Variants in GRIK4 observed in about 807,000 individuals in gnomAD.
GRIK4 encodes the protein glutamate receptor ionotropic, kainate 4.
A neutral mutation model predicts 104.9 loss-of-function variants in GRIK4; 40 were observed. The observed-to-expected ratio is 0.38, with a 90% CI of 0.30 to 0.50. The LOEUF (loss-of-function observed/expected upper bound fraction) is 0.50, where lower values mean the gene tolerates loss of function less well. Ranked by LOEUF, GRIK4 falls within the 20% of genes least tolerant of loss-of-function variation. The pLI is 0.93. For missense variants in GRIK4, 1,047 were observed against 1,308.1 expected, an observed-to-expected ratio of 0.80 and a Z score of 3.08; for synonymous variants, 485 against 524.9, an observed-to-expected ratio of 0.92 and a Z score of 1.04.
intron 1 of GRIK4, among the ~76,000 whole-genome samples, chr11:120,584,179 A>G (rs1221135287): frequency 6.6e-6 from 1 of 152,216 alleles, no homozygotes; most frequent in African/African-American, 2.4e-5. Context: ...CTATGTTAAT[A>G]GGAGTGGTGA....
intron 3 of GRIK4, among the ~76,000 whole-genome samples, chr11:120,695,063 A>G (rs1284631824): frequency 6.6e-6 from 1 of 152,092 alleles, no homozygotes; most frequent in African/African-American, 2.4e-5. Context: ...CACTCCTTTC[A>G]AAGCCCTGTG....
chr11:120,754,555 A>G (rs977326375), intron 3 of GRIK4, among the ~76,000 whole-genome samples: 3 of 152,022 alleles, frequency 2.0e-5, no homozygotes, highest in African/African-American at 7.3e-5. Context: ...GTGAACATTC[A>G]TGTATATGTT....
chr11:120,931,777 C>A (rs1262726693), intron 13 of GRIK4, among the ~76,000 whole-genome samples: 1 of 152,146 alleles, frequency 6.6e-6, no homozygotes, highest in Non-Finnish European at 1.5e-5. Flanking sequence ...ATTACAAGTC[C>A]AATACTGTAG....
chr11:120,777,735 G>A (rs1033734614), intron 3 of GRIK4, among the ~76,000 whole-genome samples: 12 of 152,156 alleles, frequency 7.9e-5, no homozygotes, highest in African/African-American at 1.4e-4. Flanking sequence ...TCAGAAGTTC[G>A]AGACCAGCCT....
At chr11:120,667,508 G>A (rs11217953) in intron 3 of GRIK4, among the ~76,000 whole-genome samples, 20,444 of 152,278 alleles carry the variant, frequency 0.13, 1,494 homozygotes, top group South Asian at 0.24. Context: ...ACAGCCTCGC[G>A]GCTCGTCAGC....
intron 1 of GRIK4, among the ~76,000 whole-genome samples, chr11:120,589,685 C>T (rs1948711992): frequency 1.3e-5 from 2 of 152,150 alleles, no homozygotes; most frequent in Admixed American, 6.5e-5. Context: ...CGTAACCCTC[C>T]CCGAACCCTC....
At position 120,555,793 on chromosome 11, in the gene GRIK4, TC is replaced by T. The variant is rs1198184986; in HGVS notation, c.-159+43909del. On this transcript the variant is annotated intron_variant, in intron 1 of 20. Coordinates refer to ENST00000527524, the MANE Select transcript of GRIK4 (RefSeq NM_014619.5). The surrounding 1 kb of genome is among the most constrained non-coding windows in gnomAD (Gnocchi z 5.3). Reference sequence around the variant, plus strand: ...TGTCCTCAGAGGCCTTGGGGCTTCTTCCCACCGTCATTATTGATGTCCCTGC... The same window carrying T: ...TGTCCTCAGAGGCCTTGGGGCTTCTTCCACCGTCATTATTGATGTCCCTGC... 6.6e-6 allele frequency among the ~76,000 whole-genome samples: 1 copy of T among 152,090 alleles called. No homozygotes were observed. Among genetic ancestry groups the T allele is most frequent in the East Asian group, 1.9e-4 (1 of 5,188 alleles).
chr11:120,851,661 A>G (rs991423829), intron 8 of GRIK4, among the ~76,000 whole-genome samples: 1 of 152,178 alleles, frequency 6.6e-6, no homozygotes, highest in Non-Finnish European at 1.5e-5. Context: ...AGATCTAAAA[A>G]GTGTCCAAGA....
chr11:120,764,558 G>A (rs1041156528), intron 3 of GRIK4, among the ~76,000 whole-genome samples: 8 of 151,356 alleles, frequency 5.3e-5, no homozygotes, highest in Non-Finnish European at 8.8e-5. Flanking sequence ...TTACATTTTG[G>A]TTTGTTTTTG....
chr11:120,953,002 C>T lies in GRIK4; in HGVS notation c.1700+38C>T. On this transcript the variant is annotated intron_variant, in intron 15 of 20. Transcript: ENST00000527524. The surrounding 1 kb of genome is among the most constrained non-coding windows in gnomAD (Gnocchi z 4.9). ...TCCCTTCCCTGTCCTTACACCGCCA[C>T]CTCGTGTCCACCTCTGGGAACTGCA... The T allele has an allele frequency of 1.5e-6, 2 of 1,342,126 alleles. No homozygotes were observed. Among genetic ancestry groups the T allele is most frequent in the Non-Finnish European group, 2.1e-6 (2 of 934,118 alleles). 83.1% of individuals were successfully genotyped at this position (1,342,126 alleles called of 1,614,324 possible). A position where few individuals can be genotyped will look rare whatever the true frequency, so the allele number is the denominator to read the frequency against.
chr11:120,756,104 G>A (rs1447455016), intron 3 of GRIK4, among the ~76,000 whole-genome samples: 1 of 152,174 alleles, frequency 6.6e-6, no homozygotes, highest in African/African-American at 2.4e-5. Context: ...ATCTGCCCCA[G>A]GATGGTTGAG....
chr11:120,831,283 T>G (rs985611500), intron 6 of GRIK4, among the ~76,000 whole-genome samples: 2 of 152,250 alleles, frequency 1.3e-5, no homozygotes, highest in African/African-American at 4.8e-5. Context: ...CAAAGGCTCT[T>G]ACAGAGCCCA....
intron 3 of GRIK4, among the ~76,000 whole-genome samples, chr11:120,686,081 A>C (rs933719229): frequency 6.6e-6 from 1 of 152,128 alleles, no homozygotes; most frequent in East Asian, 1.9e-4. Flanking sequence ...CATGTGATTC[A>C]AGGGATTATT....
intron 1 of GRIK4, among the ~76,000 whole-genome samples, chr11:120,522,713 C>T (rs1237575142): frequency 6.6e-6 from 1 of 152,208 alleles, no homozygotes; most frequent in Non-Finnish European, 1.5e-5. Flanking sequence ...AGCCAACTTT[C>T]AGTCTCCTTC....
intron 1 of GRIK4, among the ~76,000 whole-genome samples, chr11:120,611,621 C>T (rs183194200): frequency 2.6e-4 from 39 of 152,316 alleles, no homozygotes; most frequent in African/African-American, 7.9e-4. Flanking sequence ...ACCCTTCCTC[C>T]GTGCATAATC....
chr11:120,803,302 C>T (rs762415431), intron 4 of GRIK4, among the ~76,000 whole-genome samples: 44 of 152,216 alleles, frequency 2.9e-4, no homozygotes, highest in Non-Finnish European at 5.4e-4. Flanking sequence ...TTTGACCACT[C>T]ACTCTCTGGG....
chr11:120,737,812 G>A (rs978501549), intron 3 of GRIK4, among the ~76,000 whole-genome samples: 3 of 152,026 alleles, frequency 2.0e-5, no homozygotes, highest in African/African-American at 4.8e-5. Flanking sequence ...TGGGTGGTTG[G>A]CAAATTTCTA....
chr11:120,783,693 C>G (rs540764924), intron 3 of GRIK4, among the ~76,000 whole-genome samples: 1 of 152,146 alleles, frequency 6.6e-6, no homozygotes, highest in African/African-American at 2.4e-5. Flanking sequence ...TTCCCCTCGT[C>G]CCTCTATGCA....
intron 2 of GRIK4, among the ~76,000 whole-genome samples, chr11:120,656,833 G>A (rs1438108571): frequency 2.0e-5 from 3 of 152,174 alleles, no homozygotes; most frequent in African/African-American, 4.8e-5. Flanking sequence ...CAGCCTGAGC[G>A]ACAGAGCAAG....
Sources: gnomAD v4.1 joint callset for allele counts (sites outside exome capture counted in the v4.1 genomes callset) on GRCh38, gnomAD v4.1.1 for gene constraint, Gnocchi (gnomAD v3.1) non-coding constraint, MANE v1.5 for transcripts, NCBI Gene and HGNC (gene_info 2026-07-23, HGNC 2026-07-21) for gene names.